Variants in CSMD2 observed in about 807,000 individuals in gnomAD.
CSMD2 encodes the protein CUB and Sushi multiple domains 2.
In CSMD2, 130 loss-of-function variants were observed where a neutral mutation model predicts 398.5. That is an observed-to-expected ratio of 0.33 (90% CI 0.28 to 0.38). CSMD2 has a LOEUF of 0.38. CSMD2 is among the 10% of genes least tolerant of loss of function. The pLI, the probability that CSMD2 is intolerant of heterozygous loss-of-function variation, is 1.00. For synonymous variants in CSMD2, 1,828 were observed against 1,908.5 expected, an observed-to-expected ratio of 0.96 and a Z score of 1.10; for missense variants, 3,829 against 4,764.9, an observed-to-expected ratio of 0.80 and a Z score of 5.78.
chr1:34,094,966 GCACCA>G (rs1659107032), intron 1 of CSMD2, among the ~76,000 whole-genome samples: 1 of 142,686 alleles, frequency 7.0e-6, no homozygotes, highest in Admixed American at 7.1e-5. Context: ...ATTTTTTTCA[GCACCA>G]CACCACACCT....
intron 49 of CSMD2, among the ~76,000 whole-genome samples, chr1:33,574,422 C>A (rs1445830890): frequency 2.0e-5 from 3 of 152,148 alleles, no homozygotes; most frequent in African/African-American, 7.2e-5. Flanking sequence ...ATCATCCTTG[C>A]TCTTTGACAG....
At chr1:34,137,360 C>T (rs972884521) in intron 1 of CSMD2, among the ~76,000 whole-genome samples, 1 of 152,168 alleles carries the variant, frequency 6.6e-6, no homozygotes, top group Non-Finnish European at 1.5e-5. Context: ...TTCACCAGAA[C>T]ATCTTTGAGC....
chr1:33,663,023 C>T lies in CSMD2; in HGVS notation c.4122G>A (p.Glu1374=). The change falls in exon 26 of 71, where the codon GAG becomes GAA. Residue 1374 remains glutamate (E), a synonymous_variant. Coordinates refer to ENST00000373381, the MANE Select transcript of CSMD2 (RefSeq NM_001281956.2). ...DVLRIWDGPV[E]SGVLLKELSG... ...TCAGCTCCTTCAGCAGAACCCCGCTCTCCACAGGCCCATCCCAGATGCGCA... is the reference window on the plus strand; with the variant it reads ...TCAGCTCCTTCAGCAGAACCCCGCTTTCCACAGGCCCATCCCAGATGCGCA... 6.2e-7 allele frequency: 1 copy of T among 1,614,234 alleles called. No individual in the cohort carries two copies. The highest frequency in any genetic ancestry group is 8.5e-7 in the Non-Finnish European group (1 of 1,180,030).
intron 57 of CSMD2, among the ~76,000 whole-genome samples, chr1:33,544,928 A>G (rs955503268): frequency 2.0e-5 from 3 of 151,448 alleles, no homozygotes; most frequent in African/African-American, 7.3e-5. Flanking sequence ...TTGCCTGTCA[A>G]ATCTCCAGCT....
At chr1:33,859,168 A>G (rs1639309831) in intron 5 of CSMD2, among the ~76,000 whole-genome samples, 1 of 152,138 alleles carries the variant, frequency 6.6e-6, no homozygotes, top group African/African-American at 2.4e-5. Flanking sequence ...AAGAACACAA[A>G]TTTATTGTGT....
intron 1 of CSMD2, among the ~76,000 whole-genome samples, chr1:34,127,676 G>A (rs745336482): frequency 3.3e-5 from 5 of 152,148 alleles, no homozygotes; most frequent in Non-Finnish European, 5.9e-5. Flanking sequence ...CTGACCAGGT[G>A]GCCGATAGAA....
At chr1:33,646,959 AACCCCT>A in intron 28 of CSMD2, 124 bp from the exon 29 acceptor site, 1 of 903,318 alleles carries the variant, frequency 1.1e-6, no homozygotes, top group Non-Finnish European at 1.6e-6. Flanking sequence ...ACTGGTACCC[AACCCCT>A]GAAGACTGGC....
intron 4 of CSMD2, among the ~76,000 whole-genome samples, chr1:33,920,542 CAAAAAAAAAAAAA>C (rs58865984): frequency 1.2e-5 from 1 of 84,214 alleles, no homozygotes; most frequent in Non-Finnish European, 2.4e-5. Context: ...CAATCTGTCT[CAAAAAAAAAAAAA>C]AAAAAAAAAA....
intron 6 of CSMD2, among the ~76,000 whole-genome samples, chr1:33,837,185 C>A (rs574908358): frequency 1.3e-5 from 2 of 152,138 alleles, no homozygotes; most frequent in African/African-American, 2.4e-5. Flanking sequence ...GGAAATCAGC[C>A]ATGAAATAAG....
At chr1:33,815,736 T>A (rs968812556) in intron 9 of CSMD2, among the ~76,000 whole-genome samples, 5 of 152,244 alleles carry the variant, frequency 3.3e-5, no homozygotes, top group African/African-American at 1.2e-4. Flanking sequence ...AAATGCCTAG[T>A]GCAATGCTAT....
In CSMD2 at chr1:33,537,634, A is replaced by G; in HGVS notation, c.9632-25T>C. 1 of 1,592,464 alleles carries G rather than the reference A, an allele frequency of 6.3e-7. No homozygotes were observed. The highest frequency in any genetic ancestry group is 1.1e-5 in the South Asian group (1 of 88,010). ...GCTGGGAAGACGAAGGGAGAAAGGC[A>G]GGTCTAAGTTGCTTTCCAGAACCCA... On this transcript the variant is annotated intron_variant, in intron 60 of 70. Transcript: ENST00000373381. The surrounding 1 kb of genome is among the most constrained non-coding windows in gnomAD (Gnocchi z 4.6).
intron 49 of CSMD2, among the ~76,000 whole-genome samples, chr1:33,574,759 T>A (rs1198498453): frequency 6.6e-6 from 1 of 152,102 alleles, no homozygotes; most frequent in East Asian, 1.9e-4. Context: ...ACAGAAGGAA[T>A]GAGAAATAAG....
intron 49 of CSMD2, among the ~76,000 whole-genome samples, chr1:33,574,512 T>C (rs1244068525): frequency 6.6e-6 from 1 of 152,208 alleles, no homozygotes; most frequent in East Asian, 1.9e-4. Context: ...CTCTGGCTAC[T>C]AGTCTAGAGC....
At chr1:33,622,559 C>T (rs75703119) in intron 36 of CSMD2, among the ~76,000 whole-genome samples, 1 of 152,304 alleles carries the variant, frequency 6.6e-6, no homozygotes, top group African/African-American at 2.4e-5. Context: ...TAGCCATCTT[C>T]AGGATAACTC....
chr1:34,161,290 A>G (rs527391139), intron 1 of CSMD2, among the ~76,000 whole-genome samples: 37 of 152,368 alleles, frequency 2.4e-4, no homozygotes, highest in Middle Eastern at 6.8e-3. Context: ...CAGAATTCCC[A>G]TGGACCAGGA....
chr1:33,717,811 G>C (rs937775690), intron 19 of CSMD2, among the ~76,000 whole-genome samples: 2 of 151,984 alleles, frequency 1.3e-5, no homozygotes, highest in East Asian at 1.9e-4. Context: ...AAGTTGGAGC[G>C]ATGGGGGAGA....
intron 1 of CSMD2, among the ~76,000 whole-genome samples, chr1:34,090,661 C>T (rs935426178): frequency 7.9e-5 from 12 of 152,118 alleles, no homozygotes; most frequent in African/African-American, 2.4e-4. Flanking sequence ...TCTCTATCTC[C>T]GTCTGTCCCC....
chr1:33,904,649 GTTTT>G (rs59906840), intron 5 of CSMD2, among the ~76,000 whole-genome samples: 38,206 of 151,468 alleles, frequency 0.25, 4,929 homozygotes, highest in South Asian at 0.31. Context: ...GGAATGATAG[GTTTT>G]TTTGTTTGTT....
chr1:33,891,438 TAC>T (rs1324115599), intron 5 of CSMD2, among the ~76,000 whole-genome samples: 1 of 151,310 alleles, frequency 6.6e-6, no homozygotes, highest in African/African-American at 2.4e-5. Context: ...GGAACACTTT[TAC>T]ACTGTTGGTG....
Sources: allele counts gnomAD v4.1 joint callset (sites outside exome capture counted in the v4.1 genomes callset), GRCh38; gene constraint gnomAD v4.1.1; non-coding constraint Gnocchi (gnomAD v3.1); transcripts MANE v1.5; gene names NCBI Gene and HGNC (gene_info 2026-07-23, HGNC 2026-07-21).